The following RABGAP1L variants were observed in gnomAD, a reference collection of about 807,000 sequenced individuals.
RABGAP1L encodes RAB GTPase activating protein 1 like.
A neutral mutation model predicts 137.7 loss-of-function variants in RABGAP1L; 63 were observed. That is an observed-to-expected ratio of 0.46 (90% CI 0.37 to 0.56). The LOEUF (loss-of-function observed/expected upper bound fraction) is 0.56. Among genes scored for constraint, RABGAP1L ranks in the 20% least tolerant of loss-of-function variants. RABGAP1L has a pLI of 0.00. For missense variants in RABGAP1L, 1,095 were observed against 1,244.0 expected, an observed-to-expected ratio of 0.88 and a Z score of 1.80; for synonymous variants, 431 against 433.7, an observed-to-expected ratio of 0.99 and a Z score of 0.08.
rs1571607875 is a variant in RABGAP1L at position 174,219,426 on chromosome 1, G to T, written c.138+131G>T. ...ATAAAATCAATGTTTGATTTATCCA[G>T]ACCCTAATTATTTGGTTTGTGTATT... On this transcript the variant is annotated intron_variant, in intron 2 of 25. Coordinates refer to ENST00000681986, the MANE Select transcript of RABGAP1L (RefSeq NM_001366446.1). 4 of 615,600 alleles carry T rather than the reference G, an allele frequency of 6.5e-6. No homozygotes were observed. In the South Asian group the frequency reaches 1.9e-4, roughly 29 times the overall value. 38.1% of individuals were successfully genotyped at this position (615,600 alleles called of 1,614,324 possible). A position where few individuals can be genotyped will look rare whatever the true frequency, so the allele number is the denominator to read the frequency against.
At chr1:174,651,096 A>G (rs968842740) in intron 14 of RABGAP1L, among the ~76,000 whole-genome samples, 27 of 152,032 alleles carry the variant, frequency 1.8e-4, no homozygotes, top group Non-Finnish European at 3.7e-4. Context: ...TTATGTACCC[A>G]GCAGTCATTC....
intron 13 of RABGAP1L, among the ~76,000 whole-genome samples, chr1:174,546,637 A>C (rs1211951955): frequency 1.3e-5 from 2 of 152,188 alleles, no homozygotes; most frequent in East Asian, 3.8e-4. Flanking sequence ...AGTCCTTGCT[A>C]GGTAAGGGAA....
At chr1:174,197,186 C>G (rs1422453308) in intron 1 of RABGAP1L, among the ~76,000 whole-genome samples, 1 of 152,162 alleles carries the variant, frequency 6.6e-6, no homozygotes, top group African/African-American at 2.4e-5. Context: ...ATGGTAGATA[C>G]TGTTTTTCCT....
intron 19 of RABGAP1L, among the ~76,000 whole-genome samples, chr1:174,899,865 A>C (rs1657858144): frequency 6.6e-6 from 1 of 152,148 alleles, no homozygotes; most frequent in Non-Finnish European, 1.5e-5. Context: ...GGATATAACT[A>C]GAATGGAAGT....
chr1:174,791,676 G>C (rs1376916555), intron 18 of RABGAP1L, among the ~76,000 whole-genome samples: 1 of 152,170 alleles, frequency 6.6e-6, no homozygotes, highest in Non-Finnish European at 1.5e-5. Context: ...CCAGGAAAGG[G>C]GATGAACGAA....
chr1:174,748,763 T>G (rs2148668861), intron 17 of RABGAP1L, among the ~76,000 whole-genome samples: 1 of 151,986 alleles, frequency 6.6e-6, no homozygotes, highest in Admixed American at 6.6e-5. Flanking sequence ...TAGTTCCAGC[T>G]ACTTGGGAGG....
intron 13 of RABGAP1L, among the ~76,000 whole-genome samples, chr1:174,428,664 T>C (rs928993161): frequency 2.0e-4 from 30 of 152,198 alleles, no homozygotes; most frequent in Non-Finnish European, 2.8e-4. Flanking sequence ...TTTTCAACTT[T>C]GAAAAATATG....
intron 20 of RABGAP1L, 36 bp downstream of exon 20, chr1:174,957,585 C>G: frequency 6.5e-7 from 1 of 1,539,538 alleles, no homozygotes; most frequent in Non-Finnish European, 9.0e-7. Context: ...AAAGTACCTT[C>G]TTTTTTGTTT....
At chr1:174,275,305 T>G (rs892599876) in intron 8 of RABGAP1L, 1 of 152,128 alleles carries the variant, frequency 6.6e-6, no homozygotes, top group Admixed American at 6.6e-5. Context: ...ATCTGACATA[T>G]AGAAAATAGA....
intron 19 of RABGAP1L, among the ~76,000 whole-genome samples, chr1:174,881,938 C>A (rs536076274): frequency 1.3e-5 from 2 of 152,002 alleles, no homozygotes; most frequent in East Asian, 1.9e-4. Flanking sequence ...CTCAGCTCAC[C>A]GCTATCTCTG....
At chr1:174,762,047 GA>G (rs1685269927) in intron 18 of RABGAP1L, among the ~76,000 whole-genome samples, 2 of 152,088 alleles carry the variant, frequency 1.3e-5, no homozygotes. Context: ...GTAGTGAGGG[GA>G]TGCTCTGTGC....
chr1:174,223,981 T>G (rs1669974106), intron 3 of RABGAP1L, among the ~76,000 whole-genome samples: 1 of 152,146 alleles, frequency 6.6e-6, no homozygotes, highest in Non-Finnish European at 1.5e-5. Flanking sequence ...CAGTAAATAG[T>G]GTTGGGACAG....
chr1:174,848,834 C>A (rs1293655938), intron 19 of RABGAP1L, among the ~76,000 whole-genome samples: 2 of 151,564 alleles, frequency 1.3e-5, no homozygotes, highest in East Asian at 3.9e-4. Context: ...AGCTTCGCTG[C>A]CGCCTTGCAG....
intron 19 of RABGAP1L, among the ~76,000 whole-genome samples, chr1:174,847,381 A>G (rs1481604943): frequency 6.6e-6 from 1 of 151,066 alleles, no homozygotes; most frequent in East Asian, 1.9e-4. Context: ...GTTCCTTTCC[A>G]TGTTTAGTGC....
chr1:174,541,665 A>G (rs1417415308), intron 13 of RABGAP1L, among the ~76,000 whole-genome samples: 2 of 151,836 alleles, frequency 1.3e-5, no homozygotes, highest in African/African-American at 2.4e-5. Context: ...AGTCCCTGCT[A>G]CTCTGGAGGC....
intron 19 of RABGAP1L, among the ~76,000 whole-genome samples, chr1:174,856,326 C>T (rs1260386251): frequency 6.7e-6 from 1 of 149,538 alleles, no homozygotes; most frequent in Non-Finnish European, 1.5e-5. Context: ...ACACAGGAGG[C>T]GGAAGTTGCA....
chr1:174,957,873 A>G, intron 20 of RABGAP1L: 1 of 1,564,694 alleles, frequency 6.4e-7, no homozygotes, highest in Non-Finnish European at 8.7e-7. Flanking sequence ...GCCAACCATA[A>G]TATTTCTTTT....
chr1:174,397,714 A>G (rs1648050477), intron 13 of RABGAP1L, among the ~76,000 whole-genome samples: 1 of 152,186 alleles, frequency 6.6e-6, no homozygotes, highest in Admixed American at 6.5e-5. Flanking sequence ...GAAAAGAAGA[A>G]AAGAAAAACA....
At chr1:174,756,802 T>C (rs1176171891) in intron 18 of RABGAP1L, 2 of 525,720 alleles carry the variant, frequency 3.8e-6, no homozygotes, top group African/African-American at 1.9e-5. Context: ...CCCTACTCGG[T>C]TGCAAACTCC....
Sources: gnomAD v4.1 joint callset for allele counts (sites outside exome capture counted in the v4.1 genomes callset) on GRCh38, gnomAD v4.1.1 for gene constraint, MANE v1.5 for transcripts, NCBI Gene and HGNC (gene_info 2026-07-23, HGNC 2026-07-21) for gene names.